Variants in IL1RAPL2 observed in about 807,000 individuals in gnomAD.
The protein encoded by IL1RAPL2 is X-linked interleukin-1 receptor accessory protein-like 2.
A neutral mutation model predicts 44.1 loss-of-function variants in IL1RAPL2; 3 were observed. That is an observed-to-expected ratio of 0.07 (90% CI 0.03 to 0.18). The LOEUF is 0.18. Among genes scored for constraint, IL1RAPL2 ranks in the 10% least tolerant of loss-of-function variants. The pLI, the probability that IL1RAPL2 is intolerant of heterozygous loss-of-function variation, is 1.00. For missense variants in IL1RAPL2, 391 were observed against 496.4 expected (o/e 0.79, Z 2.02); for synonymous variants, 181 against 178.8 (o/e 1.01, Z -0.10).
At chrX:105,014,567 T>C (rs762210883) in intron 2 of IL1RAPL2, among the ~76,000 whole-genome samples, 1 of 111,969 alleles carries the variant, frequency 8.9e-6, no homozygotes, top group Non-Finnish European at 1.9e-5. Context: ...ATGCAGTGTT[T>C]GGTTTTCTGT....
At chrX:105,217,368 A>C (rs1346181201) in intron 3 of IL1RAPL2, among the ~76,000 whole-genome samples, 5 of 112,400 alleles carry the variant, frequency 4.4e-5, no homozygotes, top group Non-Finnish European at 1.9e-5. Context: ...ATCACTGGCC[A>C]TCAGGGAAAT....
intron 2 of IL1RAPL2, among the ~76,000 whole-genome samples, chrX:105,040,490 G>A (rs1425602651): frequency 1.5e-4 from 17 of 111,084 alleles, no homozygotes; most frequent in African/African-American, 3.3e-4. Context: ...GGTAGAATTT[G>A]GCTGTGAATC....
intron 6 of IL1RAPL2, among the ~76,000 whole-genome samples, chrX:105,487,002 G>A (rs1394335817): frequency 1.9e-5 from 2 of 103,958 alleles, no homozygotes; most frequent in Non-Finnish European, 1.9e-5. Context: ...TGAGGCAGGA[G>A]AATGGTGTGA....
chrX:105,579,821 G>A (rs1359782079), intron 6 of IL1RAPL2, among the ~76,000 whole-genome samples: 1 of 110,842 alleles, frequency 9.0e-6, no homozygotes, highest in African/African-American at 3.3e-5. Context: ...ACATCAACAA[G>A]ATGATAAAAT....
chrX:105,658,961 CAAAAA>C (rs1157609868), intron 6 of IL1RAPL2, among the ~76,000 whole-genome samples: 1 of 37,844 alleles, frequency 2.6e-5, no homozygotes. Flanking sequence ...GACTCCGTCT[CAAAAA>C]AAAAAAAAAA....
intron 2 of IL1RAPL2, among the ~76,000 whole-genome samples, chrX:104,738,529 T>C (rs1932052676): frequency 8.9e-6 from 1 of 112,113 alleles, no homozygotes; most frequent in African/African-American, 3.2e-5. Context: ...GAGAAAAGTA[T>C]GAGTAGGTAG....
chrX:104,903,613 T>C (rs1475015090), intron 2 of IL1RAPL2, among the ~76,000 whole-genome samples: 1 of 111,365 alleles, frequency 9.0e-6, no homozygotes, highest in Non-Finnish European at 1.9e-5. Context: ...AGTCTGACTC[T>C]GTTGCCCAGG....
chrX:105,692,102 T>C (rs1166353231), intron 6 of IL1RAPL2, among the ~76,000 whole-genome samples: 1 of 111,986 alleles, frequency 8.9e-6, no homozygotes, highest in East Asian at 2.8e-4. Flanking sequence ...CTAATATGGT[T>C]TTGTACAGGT....
chrX:104,751,290 C>T lies in IL1RAPL2; in HGVS notation c.82+92295C>T, dbSNP rs540486554. ...GGTGCTGTGCTAGGTGCTGGAAATTCCACAGTGAGAAAAACATATGGTTCC... is the reference window on the plus strand; with the variant it reads ...GGTGCTGTGCTAGGTGCTGGAAATTTCACAGTGAGAAAAACATATGGTTCC... On this transcript the variant is annotated intron_variant, in intron 2 of 10. Transcript: ENST00000372582. 3.6e-5 allele frequency among the ~76,000 whole-genome samples: 4 copies of T among 111,461 alleles called. No individual in the cohort carries two copies. The South Asian group carries it at 1.5e-3, about 42-fold the overall frequency.
chrX:105,650,888 T>A (rs1470474898), intron 6 of IL1RAPL2, among the ~76,000 whole-genome samples: 2 of 112,326 alleles, frequency 1.8e-5, no homozygotes, highest in Non-Finnish European at 3.8e-5. Context: ...TTGATTTTTG[T>A]CCACGTCAGA....
intron 2 of IL1RAPL2, among the ~76,000 whole-genome samples, chrX:105,048,772 C>T (rs749787654): frequency 9.0e-6 from 1 of 111,568 alleles, no homozygotes; most frequent in South Asian, 3.8e-4. Context: ...CTGTCCAACA[C>T]CGTCAACACT....
chrX:105,540,770 A>AAT lies in IL1RAPL2; in HGVS notation c.772+56401_772+56402dup, dbSNP rs1192923957. 1.2e-3 allele frequency among the ~76,000 whole-genome samples: 97 copies of AAT among 82,127 alleles called. 5 individuals are homozygous for AAT. The highest frequency in any genetic ancestry group is 6.6e-3 in the Middle Eastern group (1 of 152). 71.3% of individuals were successfully genotyped at this position (82,127 alleles called of 115,157 possible). A position where few individuals can be genotyped will look rare whatever the true frequency, so the allele number is the denominator to read the frequency against. ...CCTACATGAGTAGTCTGCTTCTTGG[A>AAT]ATATATATATATATATATAATATAA... is the stretch of plus-strand genomic sequence containing the variant. On this transcript the variant is annotated intron_variant, in intron 6 of 10. Coordinates refer to ENST00000372582, the MANE Select transcript of IL1RAPL2 (RefSeq NM_017416.2).
chrX:105,227,076 T>TGGGGGGA (rs2034023049), intron 3 of IL1RAPL2, among the ~76,000 whole-genome samples: 1 of 38,210 alleles, frequency 2.6e-5, no homozygotes, highest in Non-Finnish European at 4.4e-5. Flanking sequence ...TGTTGTGGGG[T>TGGGGGGA]GGGGGGAGGG....
At chrX:104,826,136 A>G (rs1921443997) in intron 2 of IL1RAPL2, among the ~76,000 whole-genome samples, 1 of 111,221 alleles carries the variant, frequency 9.0e-6, no homozygotes, top group Non-Finnish European at 1.9e-5. Flanking sequence ...TTTTTTTATT[A>G]GTTATTTCTT....
intron 5 of IL1RAPL2, among the ~76,000 whole-genome samples, chrX:105,424,281 C>T (rs750905499): frequency 2.7e-5 from 3 of 111,494 alleles, no homozygotes; most frequent in East Asian, 2.8e-4. Context: ...AAAATTGGTT[C>T]GGTCTGGAAA....
chrX:104,826,274 A>G (rs763476043), intron 2 of IL1RAPL2, among the ~76,000 whole-genome samples: 1 of 111,737 alleles, frequency 8.9e-6, no homozygotes, highest in Admixed American at 9.5e-5. Context: ...TCCTCTAAAC[A>G]CTACTTTAGC....
chrX:104,864,509 G>A (rs991931378), intron 2 of IL1RAPL2, among the ~76,000 whole-genome samples: 6 of 111,979 alleles, frequency 5.4e-5, no homozygotes, highest in African/African-American at 1.6e-4. Flanking sequence ...AGTTGGATTC[G>A]GAACATGTCG....
intron 2 of IL1RAPL2, among the ~76,000 whole-genome samples, chrX:104,877,492 A>G (rs980915542): frequency 8.9e-6 from 1 of 112,673 alleles, no homozygotes; most frequent in Non-Finnish European, 1.9e-5. Flanking sequence ...GACACAATCA[A>G]AAAAGAGAAT....
intron 6 of IL1RAPL2, among the ~76,000 whole-genome samples, chrX:105,667,351 G>C (rs1002371284): frequency 8.9e-6 from 1 of 112,004 alleles, no homozygotes; most frequent in Non-Finnish European, 1.9e-5. Flanking sequence ...GCTTGCTTAT[G>C]TCTAAACTTA....
Sources: gnomAD v4.1 joint callset for allele counts (sites outside exome capture counted in the v4.1 genomes callset) on GRCh38, gnomAD v4.1.1 for gene constraint, MANE v1.5 for transcripts, NCBI Gene and HGNC (gene_info 2026-07-23, HGNC 2026-07-21) for gene names.